The following THAP5 variants were observed in gnomAD, a reference collection of about 807,000 sequenced individuals.
THAP5 encodes THAP domain-containing protein 5.
In THAP5, 26 loss-of-function variants were observed where a neutral mutation model predicts 34.0. The observed-to-expected ratio is 0.77, with a 90% CI of 0.56 to 1.06. The LOEUF (loss-of-function observed/expected upper bound fraction) is 1.06. Among genes scored for constraint, THAP5 ranks in the 50% least tolerant of loss-of-function variants. The probability of loss-of-function intolerance (pLI) is 0.00; values close to 1 mark genes in which losing one functional copy is unlikely to be tolerated. For synonymous variants in THAP5, 125 were observed against 153.0 expected (o/e 0.82, Z 1.35); for missense variants, 394 against 452.8 (o/e 0.87, Z 1.18).
chr7:108,550,741 C>T (rs745763553), downstream of THAP5, among the ~76,000 whole-genome samples: 29 of 152,072 alleles, frequency 1.9e-4, no homozygotes, highest in Non-Finnish European at 3.1e-4. Context: ...TTTGTATGTC[C>T]GAATTTTCTC....
At chr7:108,544,581 A>AAAC in the THAP5 span, among the ~76,000 whole-genome samples, 16 of 151,960 alleles carry the variant, frequency 1.1e-4, no homozygotes, top group East Asian at 1.4e-3. Context: ...TAGAATAGGT[A>AAAC]AACAACAACA....
rs993484882 is a variant in THAP5, at chr7:108,563,238, T to C, written c.*953A>G. 2.0e-5 allele frequency: 3 copies of C among 152,032 alleles called. No homozygotes were observed. The highest frequency in any genetic ancestry group is 7.2e-5 in the African/African-American group (3 of 41,398). The allele number at this position is 152,032 out of a possible 1,614,324, so 9.4% of individuals were successfully genotyped here. A position where few individuals can be genotyped will look rare whatever the true frequency, so the allele number is the denominator to read the frequency against. On this transcript the variant is annotated 3_prime_UTR_variant, in exon 3 of 3. Transcript: ENST00000415914. ...TTAGTTTAGTTCAACTGGAATAAAATTATAAAAGTTCTATCTTGGCCAGGC... is the reference window on the plus strand; with the variant it reads ...TTAGTTTAGTTCAACTGGAATAAAACTATAAAAGTTCTATCTTGGCCAGGC...
Position 108,566,018 on chromosome 7 carries a change from G to T in THAP5, c.85C>A (p.Pro29Thr). ...TCCAGTCTTTCTTTGTCATGTAGAG[G>T]AAATCTGGAATTTAAAAAAAAAAGA... ...KDRKLSFYPF[P>T]LHDKERLEKW... The change falls in exon 2 of 3, where the codon CCT becomes ACT. Residue 29 changes from proline (P) to threonine (T), a missense_variant. Pro to Thr is a conservative substitution (Grantham distance 38). Coordinates refer to ENST00000415914, the MANE Select transcript of THAP5 (RefSeq NM_001130475.3). The T allele has an allele frequency of 1.3e-6, 2 of 1,498,092 alleles. No individual in the cohort carries two copies. The highest frequency in any genetic ancestry group is 1.3e-5 in the South Asian group (1 of 75,934). 92.8% of individuals were successfully genotyped at this position (1,498,092 alleles called of 1,614,324 possible).
rs1457111239 is a variant in THAP5 at position 108,562,852 on chromosome 7, CTT to C, written c.*1337_*1338del. 3 of 152,198 alleles carry C rather than the reference CTT, an allele frequency of 2.0e-5. No homozygotes were observed. The highest frequency in any genetic ancestry group is 1.9e-4 in the East Asian group (1 of 5,182). The allele number at this position is 152,198 out of a possible 1,614,324, so 9.4% of individuals were successfully genotyped here. A position where few individuals can be genotyped will look rare whatever the true frequency, so the allele number is the denominator to read the frequency against. The stretch of plus-strand genomic sequence containing the variant: ...TTACTTCTCTTTTCTAAGAGAAATT[CTT>C]TGTCTCCCTAAGATCATGACCACTT... On this transcript the variant is annotated 3_prime_UTR_variant, in exon 3 of 3. Coordinates refer to ENST00000415914, the MANE Select transcript of THAP5 (RefSeq NM_001130475.3).
the THAP5 span, among the ~76,000 whole-genome samples, chr7:108,547,259 C>T: frequency 6.6e-6 from 1 of 152,200 alleles, no homozygotes; most frequent in African/African-American, 2.4e-5. Context: ...GGTTCAGGTA[C>T]ATTCTAGTCT....
chr7:108,549,733 T>C (rs1864341930), downstream of THAP5, among the ~76,000 whole-genome samples: 1 of 152,244 alleles, frequency 6.6e-6, no homozygotes, highest in Non-Finnish European at 1.5e-5. Context: ...CTGTGCTTTA[T>C]CATTAATTTA....
intron 2 of THAP5, chr7:108,565,572 A>G: frequency 3.8e-6 from 1 of 261,178 alleles, no homozygotes; most frequent in Non-Finnish European, 7.2e-6. Context: ...TGTCTCAAAC[A>G]AAAAAAGTAT....
rs774091297 is a variant in THAP5 at position 108,564,703 on chromosome 7, C to T, written c.676G>A (p.Glu226Lys). 1.2e-5 allele frequency: 19 copies of T among 1,613,758 alleles called. No individual in the cohort carries two copies. The highest frequency in any genetic ancestry group is 1.6e-4 in the Middle Eastern group (1 of 6,080). Residue 226 changes from glutamate to lysine, a missense_variant, in exon 3 of 3, where the codon GAA becomes AAA. Transcript: ENST00000415914. ...TTAGCAAGATGACTGGTAGTTACTT[C>T]AAGAACTTCTTGAGTTTCCAAAGAT... ...HQSLETQEVLEVTTSHLANPN... is the reference protein window; with the variant it reads ...HQSLETQEVLKVTTSHLANPN...
chr7:108,561,282 A>C (rs1458027830), downstream of THAP5, among the ~76,000 whole-genome samples: 1 of 140,316 alleles, frequency 7.1e-6, no homozygotes, highest in African/African-American at 2.6e-5. Flanking sequence ...TTTTTTTTTA[A>C]AGACACGGTC....
chr7:108,560,862 T>G (rs1042504935), downstream of THAP5, among the ~76,000 whole-genome samples: 2 of 152,176 alleles, frequency 1.3e-5, no homozygotes, highest in Admixed American at 1.3e-4. Context: ...TTCAGCCTCC[T>G]GAGTAGCTAG....
chr7:108,560,626 A>G (rs1291404278), downstream of THAP5, among the ~76,000 whole-genome samples: 1 of 152,218 alleles, frequency 6.6e-6, no homozygotes, highest in African/African-American at 2.4e-5. Flanking sequence ...ACTGAGATAT[A>G]AGGTTTGGCT....
At chr7:108,544,549 AAAAC>A in the THAP5 span, among the ~76,000 whole-genome samples, 4 of 151,880 alleles carry the variant, frequency 2.6e-5, no homozygotes, top group Non-Finnish European at 5.9e-5. Context: ...AACAAAAACA[AAAAC>A]AAAGAAGGTC....
At chr7:108,560,271 T>A (rs2154517972), downstream of THAP5, among the ~76,000 whole-genome samples, 1 of 152,308 alleles carries the variant, frequency 6.6e-6, no homozygotes, top group East Asian at 1.9e-4. Context: ...ATAGTTCATA[T>A]TTTACAGCAG....
At chr7:108,553,929 C>T (rs985944620), downstream of THAP5, among the ~76,000 whole-genome samples, 12 of 152,140 alleles carry the variant, frequency 7.9e-5, no homozygotes, top group African/African-American at 2.9e-4. Context: ...ACTTTTCAAC[C>T]ATGACATATA....
the THAP5 span, among the ~76,000 whole-genome samples, chr7:108,544,391 CA>C: frequency 6.6e-6 from 1 of 151,676 alleles, no homozygotes; most frequent in Non-Finnish European, 1.5e-5. Flanking sequence ...ATTAGCTGGG[CA>C]TGGTGGCAGG....
At chr7:108,569,348 C>T (rs2154518209) in intron 1 of THAP5, 142 bp downstream of exon 1, 2 of 1,492,400 alleles carry the variant, frequency 1.3e-6, no homozygotes, top group Non-Finnish European at 1.8e-6. Flanking sequence ...TAGCGCCTTC[C>T]CTCCGTCTTG....
At chr7:108,569,267 A>C (rs1316869889) in intron 1 of THAP5, 1 of 1,427,200 alleles carries the variant, frequency 7.0e-7, no homozygotes, top group Non-Finnish European at 9.1e-7. Flanking sequence ...GTTAACACCC[A>C]AACAGGCTCC....
chr7:108,544,041 C>A, the THAP5 span, among the ~76,000 whole-genome samples: 2 of 152,044 alleles, frequency 1.3e-5, no homozygotes, highest in African/African-American at 4.8e-5. Context: ...ATATAACTTA[C>A]CAAAACTAAC....
chr7:108,561,337 C>G (rs1365790535), downstream of THAP5, among the ~76,000 whole-genome samples: 1 of 151,882 alleles, frequency 6.6e-6, no homozygotes, highest in Admixed American at 6.6e-5. Flanking sequence ...GATCTCAGCC[C>G]ATTGTAGGCT....
Sources: gnomAD v4.1 joint callset for allele counts (sites outside exome capture counted in the v4.1 genomes callset) on GRCh38, gnomAD v4.1.1 for gene constraint, MANE v1.5 for transcripts, NCBI Gene and HGNC (gene_info 2026-07-23, HGNC 2026-07-21) for gene names.